The following NUP35 variants were observed in gnomAD, a reference collection of about 807,000 sequenced individuals.
The protein encoded by NUP35 is nucleoporin NUP35.
Under a neutral mutation model 41.5 loss-of-function variants are expected in NUP35, and 25 were observed. The observed-to-expected ratio is 0.60, with a 90% CI of 0.44 to 0.84. The LOEUF (loss-of-function observed/expected upper bound fraction) is 0.84. Among genes scored for constraint, NUP35 ranks in the 40% least tolerant of loss-of-function variants. The pLI, the probability that NUP35 is intolerant of heterozygous loss-of-function variation, is 0.00. For missense variants in NUP35, 396 were observed against 396.6 expected, an observed-to-expected ratio of 1.00 and a Z score of 0.01; for synonymous variants, 149 against 130.7, an observed-to-expected ratio of 1.14 and a Z score of -0.96.
At chr2:183,155,993 A>T (rs1219819622) in intron 5 of NUP35, among the ~76,000 whole-genome samples, 1 of 152,144 alleles carries the variant, frequency 6.6e-6, no homozygotes, top group Non-Finnish European at 1.5e-5. Context: ...ATGGGGAAGT[A>T]CCTCTAAAGG....
intron 4 of NUP35, among the ~76,000 whole-genome samples, chr2:183,136,580 T>C (rs1284201070): frequency 6.6e-6 from 1 of 152,238 alleles, no homozygotes; most frequent in African/African-American, 2.4e-5. Context: ...AAGTCCTTTG[T>C]TATGCTTCAT....
At chr2:183,130,201 TG>T (rs911554408) in intron 2 of NUP35, among the ~76,000 whole-genome samples, 1 of 152,176 alleles carries the variant, frequency 6.6e-6, no homozygotes, top group African/African-American at 2.4e-5. Flanking sequence ...TGGCATTACC[TG>T]GGAGCTTATT....
At chr2:183,143,483 C>T (rs1685174633) in intron 4 of NUP35, among the ~76,000 whole-genome samples, 1 of 152,170 alleles carries the variant, frequency 6.6e-6, no homozygotes, top group Non-Finnish European at 1.5e-5. Context: ...AGCCTTATGC[C>T]TAAGCTGGTG....
upstream of NUP35, among the ~76,000 whole-genome samples, chr2:183,122,412 G>T (rs1478910950): frequency 6.6e-6 from 1 of 152,122 alleles, no homozygotes; most frequent in East Asian, 1.9e-4. Flanking sequence ...TTTATTTAAA[G>T]AAGTATCACT....
At chr2:183,120,347 G>T (rs1192640951), upstream of NUP35, among the ~76,000 whole-genome samples, 1 of 151,650 alleles carries the variant, frequency 6.6e-6, no homozygotes, top group South Asian at 2.1e-4. Flanking sequence ...TCGGGAGCCT[G>T]AGGCAGGAGA....
chr2:183,148,803 C>G (rs567216322), intron 4 of NUP35, among the ~76,000 whole-genome samples: 2 of 152,114 alleles, frequency 1.3e-5, no homozygotes, highest in African/African-American at 2.4e-5. Context: ...GGACCACAGG[C>G]ACACACCACT....
intron 8 of NUP35, chr2:183,160,265 T>G (rs1193821516): frequency 6.6e-6 from 1 of 152,276 alleles, no homozygotes. Context: ...GTAGGGCAGA[T>G]AGTGGTAGTT....
At chr2:183,140,680 A>G (rs1048919567) in intron 4 of NUP35, among the ~76,000 whole-genome samples, 3 of 152,122 alleles carry the variant, frequency 2.0e-5, no homozygotes, top group Admixed American at 6.5e-5. Context: ...GAAATTAGCC[A>G]AGCATGGTGG....
At chr2:183,151,196 G>C (rs1685458796) in intron 4 of NUP35, among the ~76,000 whole-genome samples, 1 of 152,224 alleles carries the variant, frequency 6.6e-6, no homozygotes, top group Admixed American at 6.5e-5. Context: ...TTTGGAAGAT[G>C]AAACCAACAG....
At chr2:183,138,263 ATATATATTT>A (rs869216665) in intron 4 of NUP35, among the ~76,000 whole-genome samples, 3 of 67,116 alleles carry the variant, frequency 4.5e-5, no homozygotes, top group African/African-American at 1.7e-4. Context: ...ATATATATAT[ATATATATTT>A]TTTTTTTTTT....
chr2:183,139,572 T>A (rs1685013197), intron 4 of NUP35, among the ~76,000 whole-genome samples: 1 of 152,192 alleles, frequency 6.6e-6, no homozygotes, highest in African/African-American at 2.4e-5. Context: ...GGGGACAGAA[T>A]CCTGGATTGC....
chr2:183,135,902 A>C (rs549624108), intron 4 of NUP35, among the ~76,000 whole-genome samples: 42 of 152,118 alleles, frequency 2.8e-4, no homozygotes, highest in Non-Finnish European at 5.1e-4. Flanking sequence ...AAAAGCACGC[A>C]AAAAAACTAA....
At chr2:183,153,652 G>T (rs1163373888) in intron 5 of NUP35, among the ~76,000 whole-genome samples, 1 of 152,130 alleles carries the variant, frequency 6.6e-6, no homozygotes, top group Non-Finnish European at 1.5e-5. Context: ...CCACCCCTGT[G>T]GCTTTGCAGG....
rs748844463 is a variant in NUP35 at position 183,158,410 on chromosome 2, A to C, written c.737A>C (p.Lys246Thr). Reference protein sequence around the residue: ...IMIGVKPCIDKSVMESSDRCA... With the variant: ...IMIGVKPCIDTSVMESSDRCA... ...ATTGGTGTAAAACCATGTATTGACA[A>C]AGTAAGTTATTGGTGATGTAGGCAA... Residue 246 changes from lysine to threonine, a missense_variant and splice_region_variant, in exon 7 of 9, where the codon AAA becomes ACA. Coordinates refer to ENST00000295119, the MANE Select transcript of NUP35 (RefSeq NM_138285.5). 3 of 1,595,764 alleles carry C rather than the reference A, an allele frequency of 1.9e-6. No individual in the cohort carries two copies. Among genetic ancestry groups the C allele is most frequent in the East Asian group, 4.5e-5 (2 of 44,418 alleles).
intron 4 of NUP35, among the ~76,000 whole-genome samples, chr2:183,142,449 G>A (rs1306382797): frequency 6.8e-6 from 1 of 146,068 alleles, no homozygotes; most frequent in African/African-American, 2.5e-5. Flanking sequence ...AATTTTGTGT[G>A]TTTTCTTTTT....
At chr2:183,143,744 A>G (rs769306382) in intron 4 of NUP35, among the ~76,000 whole-genome samples, 5 of 152,186 alleles carry the variant, frequency 3.3e-5, no homozygotes, top group Non-Finnish European at 5.9e-5. Context: ...AAGTTCAGTC[A>G]GGAGTTTCTC....
upstream of NUP35, among the ~76,000 whole-genome samples, chr2:183,121,812 C>T (rs1214783421): frequency 6.6e-6 from 1 of 151,780 alleles, no homozygotes; most frequent in African/African-American, 2.4e-5. Flanking sequence ...AGCCTGGTGA[C>T]AGAGCGAGAC....
chr2:183,123,834 TAATTATC>T, upstream of NUP35: 3 of 985,090 alleles, frequency 3.0e-6, no homozygotes, highest in South Asian at 1.4e-4. Flanking sequence ...TGGGTGCGTA[TAATTATC>T]TTCCATTATT....
chr2:183,119,558 G>T (rs1029782309), upstream of NUP35, among the ~76,000 whole-genome samples: 1 of 152,132 alleles, frequency 6.6e-6, no homozygotes, highest in Non-Finnish European at 1.5e-5. Flanking sequence ...TAGGCAGAGG[G>T]TTGATGTGAG....
Sources: gnomAD v4.1 joint callset for allele counts (sites outside exome capture counted in the v4.1 genomes callset) on GRCh38, gnomAD v4.1.1 for gene constraint, MANE v1.5 for transcripts, NCBI Gene and HGNC (gene_info 2026-07-23, HGNC 2026-07-21) for gene names.